SYT16: variants seen among roughly 807,000 people sequenced by gnomAD.
The protein encoded by SYT16 is synaptotagmin 16.
In SYT16, 42 loss-of-function variants were observed where a neutral mutation model predicts 61.4. That is an observed-to-expected ratio of 0.68 (90% CI 0.53 to 0.89). The LOEUF is 0.89. Ranked by LOEUF, SYT16 falls within the 40% of genes least tolerant of loss-of-function variation. The probability of loss-of-function intolerance (pLI) is 0.00; values close to 1 mark genes in which losing one functional copy is unlikely to be tolerated. For synonymous variants in SYT16, 314 were observed against 302.3 expected, an observed-to-expected ratio of 1.04 and a Z score of -0.40; for missense variants, 804 against 807.3, an observed-to-expected ratio of 1.00 and a Z score of 0.05.
rs962131757 is a variant in SYT16, at chr14:62,103,032, T to C, written c.*2325T>C. On this transcript the variant is annotated 3_prime_UTR_variant, in exon 8 of 8. Transcript: ENST00000683842. ...GGTGCTACTCACCAAATAGGATGCA[T>C]GTACATCTTGAATATACAGCAACAT... 6.6e-6 allele frequency: 1 copy of C among 152,226 alleles called. No homozygotes were observed. The highest frequency in any genetic ancestry group is 2.1e-4 in the South Asian group (1 of 4,832). The allele number at this position is 152,226 out of a possible 1,614,324, so 9.4% of individuals were successfully genotyped here.
chr14:62,026,829 A>C (rs1221318193), intron 3 of SYT16, among the ~76,000 whole-genome samples: 2 of 152,178 alleles, frequency 1.3e-5, no homozygotes, highest in Admixed American at 1.3e-4. Context: ...AAGTATAGGT[A>C]CTTTGACACT....
chr14:62,095,107 G>A (rs898308644), intron 7 of SYT16, among the ~76,000 whole-genome samples: 6 of 152,036 alleles, frequency 3.9e-5, no homozygotes, highest in African/African-American at 7.2e-5. Context: ...TCTTAGAATG[G>A]TGGATATCGT....
intron 1 of SYT16, among the ~76,000 whole-genome samples, chr14:61,867,097 A>G (rs1158569639): frequency 6.6e-6 from 1 of 151,526 alleles, no homozygotes; most frequent in African/African-American, 2.4e-5. Context: ...CTTCTCTTTC[A>G]TTGTTCTATG....
At chr14:61,860,151 A>G (rs1261122522) in intron 1 of SYT16, among the ~76,000 whole-genome samples, 1 of 152,242 alleles carries the variant, frequency 6.6e-6, no homozygotes, top group Non-Finnish European at 1.5e-5. Flanking sequence ...AGGTTGCACA[A>G]AGGTTTTATG....
At chr14:62,054,360 G>GTTTTTTTTTTTTTTTT (rs11347339) in intron 3 of SYT16, among the ~76,000 whole-genome samples, 2 of 118,268 alleles carry the variant, frequency 1.7e-5, no homozygotes, top group African/African-American at 3.4e-5. Flanking sequence ...AGTGAAGTGA[G>GTTTTTTTTTTTTTTTT]TTTTTTTTTT....
At chr14:61,895,441 A>T (rs1285654712) in intron 1 of SYT16, among the ~76,000 whole-genome samples, 2 of 152,108 alleles carry the variant, frequency 1.3e-5, no homozygotes, top group Non-Finnish European at 2.9e-5. Flanking sequence ...ATATTCATTG[A>T]ATCTTTTTCT....
At chr14:62,005,393 C>T (rs764390995) in intron 3 of SYT16, among the ~76,000 whole-genome samples, 20 of 152,122 alleles carry the variant, frequency 1.3e-4, no homozygotes, top group South Asian at 6.2e-4. Flanking sequence ...AGGGAACTCA[C>T]GACTGTGTTG....
intron 3 of SYT16, among the ~76,000 whole-genome samples, chr14:62,004,781 T>G (rs2053157811): frequency 6.6e-6 from 1 of 152,218 alleles, no homozygotes; most frequent in Non-Finnish European, 1.5e-5. Flanking sequence ...TCTTTGACCC[T>G]TGAAGAGGTG....
chr14:62,002,327 C>T (rs1275663639), intron 3 of SYT16, among the ~76,000 whole-genome samples: 1 of 152,078 alleles, frequency 6.6e-6, no homozygotes, highest in African/African-American at 2.4e-5. Flanking sequence ...TGCTCTATTA[C>T]TACATTGTGT....
intron 3 of SYT16, among the ~76,000 whole-genome samples, chr14:62,002,561 A>G (rs1364741227): frequency 2.0e-5 from 3 of 151,996 alleles, no homozygotes. Flanking sequence ...GTCTTAGGCA[A>G]TTGCTGTGTT....
chr14:61,822,738 AT>A (rs1461096329), intron 1 of SYT16, among the ~76,000 whole-genome samples: 1 of 152,194 alleles, frequency 6.6e-6, no homozygotes, highest in Non-Finnish European at 1.5e-5. Context: ...AATGTTACAG[AT>A]TTATAAAAAT....
chr14:62,057,286 G>C (rs927889469), intron 3 of SYT16, among the ~76,000 whole-genome samples: 1 of 152,156 alleles, frequency 6.6e-6, no homozygotes, highest in Non-Finnish European at 1.5e-5. Flanking sequence ...CATCACAATA[G>C]GTAAACACTT....
chr14:61,822,191 T>C (rs1270940579), intron 1 of SYT16, among the ~76,000 whole-genome samples: 3 of 152,142 alleles, frequency 2.0e-5, no homozygotes, highest in Non-Finnish European at 2.9e-5. Flanking sequence ...CTCTAGGAGC[T>C]TGCTGGTACA....
chr14:62,095,814 G>A (rs2141012314), intron 7 of SYT16, among the ~76,000 whole-genome samples: 1 of 151,918 alleles, frequency 6.6e-6, no homozygotes, highest in East Asian at 1.9e-4. Flanking sequence ...TCATATGCAA[G>A]AGCCAATTAA....
intron 7 of SYT16, among the ~76,000 whole-genome samples, chr14:62,087,474 T>C (rs1446865728): frequency 6.6e-6 from 1 of 152,204 alleles, no homozygotes; most frequent in Non-Finnish European, 1.5e-5. Flanking sequence ...ACCTCAATCA[T>C]GCCCGACGGG....
At chr14:61,841,057 A>G (rs2046287721) in intron 1 of SYT16, among the ~76,000 whole-genome samples, 1 of 152,206 alleles carries the variant, frequency 6.6e-6, no homozygotes, top group South Asian at 2.1e-4. Flanking sequence ...TTTGGGGACT[A>G]GTAACCAATT....
intron 3 of SYT16, among the ~76,000 whole-genome samples, chr14:62,029,759 CTTT>C (rs764919057): frequency 2.7e-5 from 4 of 150,246 alleles, no homozygotes; most frequent in Non-Finnish European, 5.9e-5. Context: ...TCTGACCTCG[CTTT>C]TGATGTTAGT....
intron 1 of SYT16, among the ~76,000 whole-genome samples, chr14:61,817,188 G>C (rs1594675926): frequency 6.6e-6 from 1 of 151,774 alleles, no homozygotes; most frequent in South Asian, 2.1e-4. Context: ...AGGCCGAGGC[G>C]GGTGGATCGC....
rs1397137105 is a variant in SYT16 at position 62,112,052 on chromosome 14, ACC to A, written c.*11346_*11347del. ...TTTTTTAATTGTTAAAAACTGGAAT[ACC>A]TTTCTACCTTTTGTAGTCTTTAAGA... On this transcript the variant is annotated 3_prime_UTR_variant, in exon 8 of 8. Transcript: ENST00000683842. 5.9e-5 allele frequency: 9 copies of A among 152,214 alleles called. No homozygotes were observed. In the South Asian group the frequency reaches 1.9e-3, roughly 32 times the overall value. The allele number at this position is 152,214 out of a possible 1,614,324, so 9.4% of individuals were successfully genotyped here. A position where few individuals can be genotyped will look rare whatever the true frequency, so the allele number is the denominator to read the frequency against.
Sources: gnomAD v4.1 joint callset for allele counts (sites outside exome capture counted in the v4.1 genomes callset) on GRCh38, gnomAD v4.1.1 for gene constraint, MANE v1.5 for transcripts, NCBI Gene and HGNC (gene_info 2026-07-23, HGNC 2026-07-21) for gene names.